The following RPRD1A variants were observed in gnomAD, a reference collection of about 807,000 sequenced individuals.
The protein encoded by RPRD1A is regulation of nuclear pre-mRNA domain containing 1A.
A neutral mutation model predicts 37.8 loss-of-function variants in RPRD1A; 9 were observed. The ratio of observed to expected loss-of-function variants is 0.24; its 90% CI spans 0.14 to 0.42. RPRD1A has a LOEUF of 0.42. Ranked by LOEUF, RPRD1A falls within the 10% of genes least tolerant of loss-of-function variation. RPRD1A has a pLI of 1.00. For synonymous variants in RPRD1A, 138 were observed against 139.7 expected (o/e 0.99, Z 0.08); for missense variants, 255 against 371.0 (o/e 0.69, Z 2.57).
chr18:36,006,558 G>A (rs566466086), intron 6 of RPRD1A, among the ~76,000 whole-genome samples: 5 of 152,170 alleles, frequency 3.3e-5, no homozygotes, highest in Non-Finnish European at 7.3e-5. Flanking sequence ...GTATAGAAAT[G>A]TTTTATGTAG....
intron 6 of RPRD1A, among the ~76,000 whole-genome samples, chr18:36,003,250 G>A (rs1228986362): frequency 6.6e-6 from 1 of 152,172 alleles, no homozygotes; most frequent in African/African-American, 2.4e-5. Flanking sequence ...AGCATCTGAT[G>A]AAACAGAACT....
intron 2 of RPRD1A, among the ~76,000 whole-genome samples, chr18:36,033,299 CAAAAAAAAAAA>C (rs71166085): frequency 5.3e-5 from 4 of 75,940 alleles, no homozygotes; most frequent in East Asian, 3.6e-4. Flanking sequence ...GACTCTGTCT[CAAAAAAAAAAA>C]AAAAAAAAAA....
In RPRD1A at chr18:36,057,631, TAAAA is replaced by T. The variant is rs199855475; in HGVS notation, c.151+9619_151+9622del. The stretch of plus-strand genomic sequence containing the variant: ...TGTCTCAAAAAAATAAATAAATAAA[TAAAA>T]GTTTATCTAAATGTGTATTATCCTG... On this transcript the variant is annotated intron_variant, in intron 1 of 6. Transcript: ENST00000399022. Among the ~76,000 whole-genome samples, 572 of 152,064 alleles carry T rather than the reference TAAAA, an allele frequency of 3.8e-3. 5 individuals carry two copies. The highest frequency in any genetic ancestry group is 0.013 in the African/African-American group (547 of 41,488).
At chr18:36,016,441 T>C (rs1910581039) in intron 6 of RPRD1A, among the ~76,000 whole-genome samples, 1 of 152,210 alleles carries the variant, frequency 6.6e-6, no homozygotes, top group African/African-American at 2.4e-5. Context: ...CAGGCTGGTC[T>C]TGAACTCCTG....
chr18:36,053,639 ATTTG>A (rs1204983004), intron 1 of RPRD1A, among the ~76,000 whole-genome samples: 5 of 152,158 alleles, frequency 3.3e-5, no homozygotes, highest in African/African-American at 4.8e-5. Context: ...CTTATAAAGT[ATTTG>A]TTTGAATATT....
chr18:36,047,688 T>A (rs547861091), intron 1 of RPRD1A, among the ~76,000 whole-genome samples: 38 of 152,244 alleles, frequency 2.5e-4, no homozygotes, highest in Non-Finnish European at 4.7e-4. Flanking sequence ...AAGGAAATAC[T>A]ATGAACAACT....
At chr18:36,056,161 T>C (rs1442012876) in intron 1 of RPRD1A, among the ~76,000 whole-genome samples, 1 of 152,168 alleles carries the variant, frequency 6.6e-6, no homozygotes, top group African/African-American at 2.4e-5. Flanking sequence ...TGAAATACAA[T>C]GCAATCATTT....
chr18:36,050,425 A>C (rs2144375002), intron 1 of RPRD1A, among the ~76,000 whole-genome samples: 1 of 152,160 alleles, frequency 6.6e-6, no homozygotes, highest in South Asian at 2.1e-4. Context: ...ATTAGGTGCT[A>C]CTGGTTTTCA....
At chr18:36,064,798 C>T (rs995606410) in intron 1 of RPRD1A, among the ~76,000 whole-genome samples, 4 of 152,160 alleles carry the variant, frequency 2.6e-5, no homozygotes, top group Non-Finnish European at 4.4e-5. Flanking sequence ...TCACTCTTCA[C>T]AATAAATCTT....
intron 4 of RPRD1A, 77 bp downstream of exon 4, chr18:36,030,731 G>T: frequency 1.2e-6 from 1 of 846,912 alleles, no homozygotes; most frequent in Non-Finnish European, 1.9e-6. Flanking sequence ...ATTTACAGAA[G>T]TGAAACGAAA....
chr18:36,006,321 G>A (rs1909746447), intron 6 of RPRD1A, among the ~76,000 whole-genome samples: 1 of 152,150 alleles, frequency 6.6e-6, no homozygotes, highest in African/African-American at 2.4e-5. Context: ...TGGGATTACA[G>A]GCATGTGCCA....
chr18:36,008,332 C>T (rs1006540919), intron 6 of RPRD1A, among the ~76,000 whole-genome samples: 7 of 151,594 alleles, frequency 4.6e-5, no homozygotes, highest in African/African-American at 7.3e-5. Context: ...AACCCTAGCA[C>T]TTTGGGAGGC....
chr18:35,993,630 C>T (rs1298113825), intron 6 of RPRD1A, among the ~76,000 whole-genome samples: 2 of 152,150 alleles, frequency 1.3e-5, no homozygotes, highest in Non-Finnish European at 2.9e-5. Context: ...TAAACCTTAA[C>T]TAAAATTTGG....
At chr18:36,057,170 T>C (rs1473863279) in intron 1 of RPRD1A, among the ~76,000 whole-genome samples, 2 of 151,560 alleles carry the variant, frequency 1.3e-5, no homozygotes, top group East Asian at 1.9e-4. Context: ...TGGGCCTTGA[T>C]TGGCCACCAC....
intron 6 of RPRD1A, among the ~76,000 whole-genome samples, chr18:36,009,911 C>T (rs1028671989): frequency 1.3e-5 from 2 of 152,196 alleles, no homozygotes; most frequent in African/African-American, 4.8e-5. Flanking sequence ...ACCCTCTCAA[C>T]CCCTGCATTT....
intron 1 of RPRD1A, among the ~76,000 whole-genome samples, chr18:36,060,383 G>A (rs1188335355): frequency 3.3e-5 from 5 of 152,138 alleles, no homozygotes; most frequent in South Asian, 2.1e-4. Context: ...GCAGTGAACC[G>A]AGATCGCGCC....
chr18:36,007,392 A>C (rs545972179), intron 6 of RPRD1A, among the ~76,000 whole-genome samples: 1 of 152,336 alleles, frequency 6.6e-6, no homozygotes, highest in East Asian at 1.9e-4. Context: ...TAAGTGGCAA[A>C]TATTCAGGTG....
intron 1 of RPRD1A, among the ~76,000 whole-genome samples, chr18:36,065,463 T>G (rs1036113537): frequency 6.6e-6 from 1 of 152,216 alleles, no homozygotes; most frequent in Non-Finnish European, 1.5e-5. Context: ...GGTTTTTTTG[T>G]TTTCTTATTT....
chr18:36,040,753 A>C (rs1912522965), intron 1 of RPRD1A: 3 of 1,125,596 alleles, frequency 2.7e-6, no homozygotes, highest in Admixed American at 2.6e-5. Flanking sequence ...AAAATTTCTA[A>C]GCTTTTTAGG....
Sources: allele counts gnomAD v4.1 joint callset (sites outside exome capture counted in the v4.1 genomes callset), GRCh38; gene constraint gnomAD v4.1.1; transcripts MANE v1.5; gene names NCBI Gene and HGNC (gene_info 2026-07-23, HGNC 2026-07-21).